Variants in PTPRA observed in about 807,000 individuals in gnomAD.
The protein encoded by PTPRA is protein tyrosine phosphatase receptor type A, also known as receptor-type tyrosine-protein phosphatase alpha.
In PTPRA, 25 loss-of-function variants were observed where a neutral mutation model predicts 104.8. The ratio of observed to expected loss-of-function variants is 0.24; its 90% confidence interval spans 0.17 to 0.33. PTPRA has a LOEUF of 0.33. PTPRA is among the 10% of genes least tolerant of loss of function. The pLI is 1.00. For synonymous variants in PTPRA, 323 were observed against 368.9 expected (o/e 0.88, Z 1.43); for missense variants, 765 against 1,015.3 (o/e 0.75, Z 3.35).
At chr20:2,954,075 A>G (rs2061448322) in intron 3 of PTPRA, among the ~76,000 whole-genome samples, 1 of 130,058 alleles carries the variant, frequency 7.7e-6, no homozygotes, top group Admixed American at 8.3e-5. Context: ...ATACCCGGCT[A>G]ACTTTTTTTT....
In PTPRA at chr20:3,005,043, C is replaced by G. The variant is rs773213182; in HGVS notation, c.739-13C>G. The G allele has an allele frequency of 6.3e-7, 1 of 1,580,842 alleles. No individual in the cohort carries two copies. The highest frequency in any genetic ancestry group is 1.1e-5 in the South Asian group (1 of 90,230). On this transcript the variant is annotated splice_polypyrimidine_tract_variant and intron_variant, in intron 9 of 23. Transcript: ENST00000399903. ...CCTGCTAATAATTCCTCTAATTTCT[C>G]TTAACCTTTCAGGCTCTCCCTGCAT...
At chr20:2,952,548 G>A (rs1406417373) in intron 3 of PTPRA, among the ~76,000 whole-genome samples, 3 of 151,902 alleles carry the variant, frequency 2.0e-5, no homozygotes, top group Non-Finnish European at 4.4e-5. Context: ...AAAAAAAATT[G>A]TAGTTAAAAT....
intron 11 of PTPRA, among the ~76,000 whole-genome samples, chr20:3,011,838 A>G (rs1252887796): frequency 6.6e-6 from 1 of 152,254 alleles, no homozygotes; most frequent in Non-Finnish European, 1.5e-5. Flanking sequence ...GCTGCTCAGC[A>G]AAGAGCAGAG....
chr20:3,023,000 G>A lies in PTPRA; in HGVS notation c.1464+176G>A, dbSNP rs144524960. ...TGTCTATGTAGAAAAAGGAAGACAC[G>A]AGAAACTCCATTTTGTTCTGTACTA... On this transcript the variant is annotated intron_variant, in intron 16 of 23. Coordinates refer to ENST00000399903, the MANE Select transcript of PTPRA (RefSeq NM_001385305.1). The surrounding 1 kb of genome is among the most constrained non-coding windows in gnomAD (Gnocchi z 4.6). Among the ~76,000 whole-genome samples the A allele has an allele frequency of 7.9e-5, 12 of 152,288 alleles. No individual in the cohort carries two copies. The East Asian group carries it at 1.9e-3, about 24-fold the overall frequency.
chr20:2,880,394 C>T (rs2089980309), intron 1 of PTPRA, among the ~76,000 whole-genome samples: 1 of 152,172 alleles, frequency 6.6e-6, no homozygotes, highest in Admixed American at 6.5e-5. Flanking sequence ...AAGGAAGAGA[C>T]TGAATTCTGC....
chr20:2,991,312 C>A (rs2063164448), intron 9 of PTPRA, among the ~76,000 whole-genome samples: 1 of 151,704 alleles, frequency 6.6e-6, no homozygotes, highest in African/African-American at 2.4e-5. Context: ...TTGCAGTGAG[C>A]CAAGGTCGTG....
intron 2 of PTPRA, among the ~76,000 whole-genome samples, chr20:2,945,461 A>G (rs2061088500): frequency 6.6e-6 from 1 of 152,056 alleles, no homozygotes; most frequent in Non-Finnish European, 1.5e-5. Flanking sequence ...GGTCAACTTC[A>G]TTTCACTACC....
In PTPRA at chr20:2,923,194, C is replaced by T. The variant is rs2147372235; in HGVS notation, c.-128-13C>T. ...GTTGTATATTTCTAAAGGTATTTTT[C>T]CTTTTGTTGCAGGTGACACAACTAA... On this transcript the variant is annotated splice_polypyrimidine_tract_variant and intron_variant, in intron 1 of 23. Transcript: ENST00000399903. 1.8e-6 allele frequency: 2 copies of T among 1,102,180 alleles called. No homozygotes were observed. The highest frequency in any genetic ancestry group is 1.7e-5 in the African/African-American group (1 of 60,586). The allele number at this position is 1,102,180 out of a possible 1,614,324, so 68.3% of individuals were successfully genotyped here.
intron 9 of PTPRA, among the ~76,000 whole-genome samples, chr20:2,989,210 A>T (rs954302161): frequency 1.3e-5 from 2 of 151,832 alleles, no homozygotes; most frequent in African/African-American, 4.8e-5. Context: ...TGAGGCGGGC[A>T]CATCACGAGG....
chr20:2,994,439 C>A (rs1281700027), intron 9 of PTPRA, among the ~76,000 whole-genome samples: 1 of 152,162 alleles, frequency 6.6e-6, no homozygotes, highest in African/African-American at 2.4e-5. Flanking sequence ...TCATGGTCTC[C>A]AACAGTCTTT....
intron 13 of PTPRA, among the ~76,000 whole-genome samples, chr20:3,020,373 T>A (rs1163225195): frequency 6.6e-6 from 1 of 151,982 alleles, no homozygotes; most frequent in Non-Finnish European, 1.5e-5. Context: ...GCTGGGATTA[T>A]AGGCGTGAGC....
intron 6 of PTPRA, among the ~76,000 whole-genome samples, chr20:2,977,389 G>A (rs1433455925): frequency 6.6e-6 from 1 of 151,390 alleles, no homozygotes; most frequent in African/African-American, 2.4e-5. Flanking sequence ...TGTTTTAAGA[G>A]TGTTAGGGCA....
intron 1 of PTPRA, among the ~76,000 whole-genome samples, chr20:2,910,589 G>GTTTTTTTTTTTTTTTTTTTTTT (rs1423909050): frequency 1.6e-4 from 9 of 57,986 alleles, no homozygotes; most frequent in Admixed American, 3.2e-4. Context: ...TTTTTTTTTT[G>GTTTTTTTTTTTTTTTTTTTTTT]TTTTTTTTTT....
intron 2 of PTPRA, among the ~76,000 whole-genome samples, chr20:2,925,836 C>A (rs1224245670): frequency 4.1e-4 from 61 of 149,604 alleles, no homozygotes; most frequent in African/African-American, 1.4e-3. Flanking sequence ...AAAACAAAAA[C>A]AAAAAAAAAC....
In PTPRA at chr20:3,035,083, A is replaced by G. The variant is rs1568712321; in HGVS notation, c.1921-502A>G. Among the ~76,000 whole-genome samples, 1 of 152,130 alleles carries G rather than the reference A, an allele frequency of 6.6e-6. No homozygotes were observed. The highest frequency in any genetic ancestry group is 1.5e-5 in the Non-Finnish European group (1 of 68,022). ...ACCTCCTGCTCACTAGCAAGGACAG[A>G]AAGGCGAGTGCTAGCAACTTGAAGG... is the stretch of plus-strand genomic sequence containing the variant. On this transcript the variant is annotated intron_variant, in intron 20 of 23. Coordinates refer to ENST00000399903, the MANE Select transcript of PTPRA (RefSeq NM_001385305.1). The surrounding 1 kb of genome is among the most constrained non-coding windows in gnomAD (Gnocchi z 5.8).
chr20:3,010,107 C>G (rs2064086558), intron 11 of PTPRA, among the ~76,000 whole-genome samples: 1 of 152,016 alleles, frequency 6.6e-6, no homozygotes, highest in Admixed American at 6.5e-5. Context: ...GCCTCTGCCT[C>G]CCAAAGTGCT....
At chr20:2,883,544 C>T (rs1420764027) in intron 1 of PTPRA, among the ~76,000 whole-genome samples, 1 of 63,886 alleles carries the variant, frequency 1.6e-5, no homozygotes, top group South Asian at 9.4e-4. Flanking sequence ...CCCAGCTACT[C>T]GGGAGGCTGA....
At chr20:2,945,942 G>T (rs1471719089) in intron 2 of PTPRA, among the ~76,000 whole-genome samples, 2 of 151,444 alleles carry the variant, frequency 1.3e-5, no homozygotes, top group African/African-American at 2.4e-5. Context: ...ATATATATGC[G>T]TGTGTGTATA....
At chr20:2,982,194 G>A (rs1048763491) in intron 6 of PTPRA, among the ~76,000 whole-genome samples, 3 of 150,936 alleles carry the variant, frequency 2.0e-5, no homozygotes, top group East Asian at 2.0e-4. Context: ...GGGTACAAGC[G>A]ATTCTCCTGC....
Sources: allele counts gnomAD v4.1 joint callset (sites outside exome capture counted in the v4.1 genomes callset), GRCh38; gene constraint gnomAD v4.1.1; non-coding constraint Gnocchi (gnomAD v3.1); transcripts MANE v1.5; gene names NCBI Gene and HGNC (gene_info 2026-07-23, HGNC 2026-07-21).